COL22A1: variants seen among roughly 807,000 people sequenced by gnomAD.
The protein encoded by COL22A1 is collagen type XXII alpha 1 chain.
A neutral mutation model predicts 248.9 loss-of-function variants in COL22A1; 221 were observed. The ratio of observed to expected loss-of-function variants is 0.89; its 90% CI spans 0.80 to 0.99. The LOEUF is 0.99. Among genes scored for constraint, COL22A1 ranks in the 50% least tolerant of loss-of-function variants. COL22A1 has a pLI of 0.00. For synonymous variants in COL22A1, 891 were observed against 793.4 expected (o/e 1.12, Z -2.07); for missense variants, 2,240 against 2,179.0 (o/e 1.03, Z -0.56).
chr8:138,598,669 C>T, intron 61 of COL22A1, 50 bp downstream of exon 61: 3 of 1,548,716 alleles, frequency 1.9e-6, no homozygotes, highest in South Asian at 2.4e-5. Context: ...CCCTGGCTCC[C>T]CCTTAGGCCC....
At chr8:138,789,964 T>A (rs1815882192) in intron 12 of COL22A1, among the ~76,000 whole-genome samples, 1 of 152,244 alleles carries the variant, frequency 6.6e-6, no homozygotes, top group African/African-American at 2.4e-5. Context: ...AAGTTCTGCA[T>A]GGCTGCTATT....
intron 42 of COL22A1, among the ~76,000 whole-genome samples, chr8:138,662,376 G>T (rs755222179): frequency 1.3e-5 from 2 of 152,096 alleles, no homozygotes; most frequent in Non-Finnish European, 2.9e-5. Context: ...AGCTCCTGTG[G>T]TGAGATGGGC....
At chr8:138,877,674 C>T (rs1823827234) in intron 3 of COL22A1, 76 bp downstream of exon 3, 2 of 1,420,744 alleles carry the variant, frequency 1.4e-6, no homozygotes, top group South Asian at 1.4e-5. Context: ...TCCCTATCTG[C>T]CCGAGGACCC....
At chr8:138,616,527 T>C (rs932801246) in intron 54 of COL22A1, among the ~76,000 whole-genome samples, 2 of 152,210 alleles carry the variant, frequency 1.3e-5, no homozygotes, top group African/African-American at 2.4e-5. Flanking sequence ...GTAAAAGTGA[T>C]GCTTTCCATT....
intron 12 of COL22A1, among the ~76,000 whole-genome samples, chr8:138,784,917 C>T (rs1049342718): frequency 3.9e-5 from 6 of 152,110 alleles, no homozygotes; most frequent in African/African-American, 1.2e-4. Context: ...AGTGTGCTTC[C>T]GAACATCTTC....
chr8:138,701,139 A>T, intron 31 of COL22A1, among the ~76,000 whole-genome samples: 1 of 152,168 alleles, frequency 6.6e-6, no homozygotes, highest in East Asian at 1.9e-4. Context: ...TGTCTTTTAA[A>T]TGTCGTGTCT....
At chr8:138,750,141 T>C (rs1024884040) in intron 22 of COL22A1, among the ~76,000 whole-genome samples, 4 of 152,202 alleles carry the variant, frequency 2.6e-5, no homozygotes, top group African/African-American at 4.8e-5. Context: ...CCTTGCCTTC[T>C]GCCATGATTG....
intron 43 of COL22A1, among the ~76,000 whole-genome samples, chr8:138,661,255 A>G (rs186907118): frequency 3.0e-4 from 46 of 152,062 alleles, no homozygotes; most frequent in African/African-American, 1.1e-3. Flanking sequence ...TGAAGCAGGA[A>G]TAAGACAGTA....
intron 30 of COL22A1, 95 bp from the exon 31 acceptor site, chr8:138,703,442 C>T (rs1745799978): frequency 1.7e-6 from 2 of 1,208,976 alleles, no homozygotes; most frequent in Non-Finnish European, 2.5e-6. Flanking sequence ...CCCCAGACAA[C>T]AGAAGGTGTT....
intron 41 of COL22A1, among the ~76,000 whole-genome samples, chr8:138,665,391 G>A (rs1824411468): frequency 6.6e-6 from 1 of 152,242 alleles, no homozygotes; most frequent in African/African-American, 2.4e-5. Flanking sequence ...AGATAGTAAA[G>A]TGAAGGGGTA....
chr8:138,676,502 C>T lies in COL22A1; in HGVS notation c.3150+56G>A. 1.1e-5 allele frequency: 10 copies of T among 940,458 alleles called. No individual in the cohort carries two copies. The South Asian group carries it at 2.3e-4, about 21-fold the overall frequency. 58.3% of individuals were successfully genotyped at this position (940,458 alleles called of 1,614,324 possible). ...AGAGTGTTTCTGCAGGCAGGTCCAA[C>T]AGGAAATGGCTGTATGTCCTGAAAG... On this transcript the variant is annotated intron_variant, in intron 41 of 64. Coordinates refer to ENST00000303045, the MANE Select transcript of COL22A1 (RefSeq NM_152888.3).
At chr8:138,681,105 C>T (rs1473842499) in intron 39 of COL22A1, among the ~76,000 whole-genome samples, 1 of 152,118 alleles carries the variant, frequency 6.6e-6, no homozygotes, top group Non-Finnish European at 1.5e-5. Context: ...TGCTGCCACC[C>T]CACAGAGTGA....
chr8:138,621,008 T>C (rs1819756332), intron 52 of COL22A1, among the ~76,000 whole-genome samples: 1 of 151,600 alleles, frequency 6.6e-6, no homozygotes, highest in African/African-American at 2.4e-5. Context: ...CATCCATCCA[T>C]CCATCCATCC....
At chr8:138,768,578 G>A (rs1390428741) in intron 16 of COL22A1, among the ~76,000 whole-genome samples, 1 of 152,006 alleles carries the variant, frequency 6.6e-6, no homozygotes, top group South Asian at 2.1e-4. Context: ...GTTGTTTTTT[G>A]GTTCGAATTT....
intron 30 of COL22A1, among the ~76,000 whole-genome samples, chr8:138,708,701 C>G (rs559182674): frequency 1.3e-5 from 2 of 152,288 alleles, no homozygotes; most frequent in Admixed American, 6.5e-5. Context: ...AAAACCTAGG[C>G]AATACCATTC....
intron 35 of COL22A1, among the ~76,000 whole-genome samples, chr8:138,692,192 A>ATGCACATTTGTGGACGTGTGTGCGTG (rs1827071864): frequency 3.3e-5 from 4 of 120,836 alleles, no homozygotes; most frequent in Admixed American, 1.7e-4. Context: ...GTGCACGTGC[A>ATGCACATTTGTGGACGTGTGTGCGTG]TGTGTGCATG....
chr8:138,761,785 A>G (rs1221121342), intron 17 of COL22A1, among the ~76,000 whole-genome samples: 1 of 152,212 alleles, frequency 6.6e-6, no homozygotes, highest in African/African-American at 2.4e-5. Context: ...CACATGGTTC[A>G]AAACTGAAGT....
intron 16 of COL22A1, among the ~76,000 whole-genome samples, chr8:138,762,788 G>A (rs78997311): frequency 0.026 from 3,955 of 152,228 alleles, 173 homozygotes; most frequent in African/African-American, 0.09. Context: ...CAAAGCCATG[G>A]GTGAGTGGGG....
At chr8:138,598,495 C>T (rs544672564) in intron 61 of COL22A1, among the ~76,000 whole-genome samples, 18 of 152,332 alleles carry the variant, frequency 1.2e-4, no homozygotes, top group African/African-American at 2.6e-4. Flanking sequence ...AAGCTAGACA[C>T]GTTATTTCAC....
Sources: gnomAD v4.1 joint callset for allele counts (sites outside exome capture counted in the v4.1 genomes callset) on GRCh38, gnomAD v4.1.1 for gene constraint, MANE v1.5 for transcripts, NCBI Gene and HGNC (gene_info 2026-07-23, HGNC 2026-07-21) for gene names.